Variants in NUDT10 observed in about 807,000 individuals in gnomAD.
NUDT10 encodes the protein diphosphoinositol polyphosphate phosphohydrolase 3-alpha.
Under a neutral mutation model 10.5 loss-of-function variants are expected in NUDT10, and 2 were observed. The ratio of observed to expected loss-of-function variants is 0.19; its 90% CI spans 0.08 to 0.60. The LOEUF is 0.60. NUDT10 is among the 20% of genes least tolerant of loss of function. The probability of loss-of-function intolerance (pLI) is 0.89; values close to 1 mark genes in which losing one functional copy is unlikely to be tolerated. For missense variants in NUDT10, 75 were observed against 149.5 expected (o/e 0.50, Z 2.60); for synonymous variants, 53 against 71.8 (o/e 0.74, Z 1.32).
At position 51,336,326 on chromosome X, in the gene NUDT10, G is replaced by A; in HGVS notation, c.*87G>A. On this transcript the variant is annotated 3_prime_UTR_variant, in exon 2 of 2. Transcript: ENST00000356450. ...GAATGGAATTGTGAAGCACAGATGAGCTCTTTCACACTCCAAGGACACAGC... is the reference window on the plus strand; with the variant it reads ...GAATGGAATTGTGAAGCACAGATGAACTCTTTCACACTCCAAGGACACAGC... The A allele has an allele frequency of 1.9e-6, 1 of 527,248 alleles. No individual in the cohort carries two copies. The highest frequency in any genetic ancestry group is 3.5e-6 in the Non-Finnish European group (1 of 288,221). 43.5% of individuals were successfully genotyped at this position (527,248 alleles called of 1,213,427 possible). A position where few individuals can be genotyped will look rare whatever the true frequency, so the allele number is the denominator to read the frequency against.
rs781913106 is a variant in NUDT10 at position 51,333,261 on chromosome X, C to T, written c.296C>T (p.Thr99Ile). The change falls in exon 1 of 2, where the codon ACT becomes ATT. Residue 99 changes from threonine (T) to isoleucine (I), a missense_variant. Thr to Ile is a moderately conservative substitution (Grantham distance 89). Transcript: ENST00000356450. ...PKHRTYVYVL[T>I]VTELLEDWED... is the part of the protein sequence containing the mutation. ...CACAGAACGTACGTGTATGTACTGA[C>T]TGTCACGGAGCTGCTGGAGGATTGG... The T allele has an allele frequency of 1.7e-6, 2 of 1,211,445 alleles. No individual in the cohort carries two copies. Among genetic ancestry groups the T allele is most frequent in the Non-Finnish European group, 2.2e-6 (2 of 895,346 alleles).
In NUDT10 at chrX:51,336,252, A is replaced by G. The variant is rs1557312732; in HGVS notation, c.*13A>G. ...TTTTCTTTTTAGGTGAATGGCATAG[A>G]TGTTGTTCAGATTTACTTTGAAAGA... On this transcript the variant is annotated 3_prime_UTR_variant, in exon 2 of 2. Coordinates refer to ENST00000356450, the MANE Select transcript of NUDT10 (RefSeq NM_001304963.2). 3.5e-6 allele frequency: 2 copies of G among 563,412 alleles called. No homozygotes were observed. The highest frequency in any genetic ancestry group is 2.3e-5 in the South Asian group (1 of 42,707). 46.4% of individuals were successfully genotyped at this position (563,412 alleles called of 1,213,427 possible).
At position 51,332,894 on chromosome X, in the gene NUDT10, CT is replaced by C; in HGVS notation, c.-71del. The stretch of plus-strand genomic sequence containing the variant: ...CTTTCTCTTCCCAGCACCTCGGCTG[CT>C]GCCCGGCAGCGGCAGCAGCTGCGTC... On this transcript the variant is annotated 5_prime_UTR_variant, in exon 1 of 2. Transcript: ENST00000356450. The C allele has an allele frequency of 8.6e-7, 1 of 1,160,011 alleles. No homozygotes were observed. Among genetic ancestry groups the C allele is most frequent in the East Asian group, 3.0e-5 (1 of 32,996 alleles).
chrX:51,336,865 A>T lies in NUDT10; in HGVS notation c.*626A>T, dbSNP rs988182572. 8.9e-6 allele frequency: 1 copy of T among 112,403 alleles called. No individual in the cohort carries two copies. Among genetic ancestry groups the T allele is most frequent in the Non-Finnish European group, 1.9e-5 (1 of 53,311 alleles). The allele number at this position is 112,403 out of a possible 1,213,427, so 9.3% of individuals were successfully genotyped here. ...CTGCCTCAGGAGGCTGAGGCAGAAG[A>T]ATAGCTTGAGCCCAGGAGCTTTAGT... is the stretch of plus-strand genomic sequence containing the variant. On this transcript the variant is annotated 3_prime_UTR_variant, in exon 2 of 2. Transcript: ENST00000356450.
chrX:51,333,749 C>CGGGGGGGGGGGGGGGGGGGGGGGGGGG (rs1252405750), intron 1 of NUDT10, among the ~76,000 whole-genome samples: 2 of 12,484 alleles, frequency 1.6e-4, no homozygotes, highest in Non-Finnish European at 2.5e-4. Flanking sequence ...TGCTTTTGGG[C>CGGGGGGGGGGGGGGGGGGGGGGGGGGG]GGGGGGGGGG....
rs1177808293 is a variant in NUDT10, at chrX:51,337,175, C to A, written c.*936C>A. On this transcript the variant is annotated 3_prime_UTR_variant, in exon 2 of 2. Coordinates refer to ENST00000356450, the MANE Select transcript of NUDT10 (RefSeq NM_001304963.2). ...CATATTAACCAATTGTTAATTGGATCTTATTTGAATTGTGATTTGACCGAA... is the reference window on the plus strand; with the variant it reads ...CATATTAACCAATTGTTAATTGGATATTATTTGAATTGTGATTTGACCGAA... 5.4e-5 allele frequency: 6 copies of A among 111,953 alleles called. No homozygotes were observed. Among genetic ancestry groups the A allele is most frequent in the African/African-American group, 1.9e-4 (6 of 30,793 alleles). The allele number at this position is 111,953 out of a possible 1,213,427, so 9.2% of individuals were successfully genotyped here.
chrX:51,335,347 C>A (rs1347461675), intron 1 of NUDT10, among the ~76,000 whole-genome samples: 1 of 108,682 alleles, frequency 9.2e-6, no homozygotes, highest in Admixed American at 9.8e-5. Flanking sequence ...TCCCCCTCGT[C>A]CCTGTCCCCC....
intron 1 of NUDT10, among the ~76,000 whole-genome samples, chrX:51,335,046 G>A (rs1224924855): frequency 2.7e-5 from 3 of 110,853 alleles, no homozygotes; most frequent in Non-Finnish European, 3.8e-5. Flanking sequence ...GGGACCGGGC[G>A]CGGTGGCTCA....
intron 1 of NUDT10, among the ~76,000 whole-genome samples, chrX:51,334,652 T>A (rs1220735524): frequency 8.9e-6 from 1 of 112,009 alleles, no homozygotes; most frequent in Non-Finnish European, 1.9e-5. Context: ...CTCTCACGTT[T>A]GCCTCAGTAC....
At chrX:51,334,387 ATTTAAG>A (rs1339968647) in intron 1 of NUDT10, among the ~76,000 whole-genome samples, 3 of 111,738 alleles carry the variant, frequency 2.7e-5, no homozygotes, top group Non-Finnish European at 5.6e-5. Flanking sequence ...GGTTCTCTGG[ATTTAAG>A]TTTGTTTTTG....
intron 1 of NUDT10, among the ~76,000 whole-genome samples, chrX:51,333,761 GGGT>G (rs1184201509): frequency 0.023 from 1,232 of 52,818 alleles, 2 homozygotes; most frequent in Non-Finnish European, 0.035. Flanking sequence ...GGGGGGGGGG[GGGT>G]GGGGGGCGAG....
intron 1 of NUDT10, among the ~76,000 whole-genome samples, chrX:51,335,086 G>A (rs782652333): frequency 1.8e-5 from 2 of 110,577 alleles, no homozygotes; most frequent in Non-Finnish European, 3.8e-5. Flanking sequence ...TTGGAAGGCC[G>A]AGGCGGGCAG....
rs782206903 is a variant in NUDT10, at chrX:51,336,222, A to T, written c.*-17A>T. The stretch of plus-strand genomic sequence containing the variant: ...ATGAACCAATAAAACCCTATTAATA[A>T]GAATTTTTCTTTTTAGGTGAATGGC... On this transcript the variant is annotated splice_polypyrimidine_tract_variant and intron_variant, in intron 1 of 1. Transcript: ENST00000356450. 8 of 562,123 alleles carry T rather than the reference A, an allele frequency of 1.4e-5. No individual in the cohort carries two copies. The highest frequency in any genetic ancestry group is 2.3e-5 in the Non-Finnish European group (7 of 306,053). The allele number at this position is 562,123 out of a possible 1,213,427, so 46.3% of individuals were successfully genotyped here. A position where few individuals can be genotyped will look rare whatever the true frequency, so the allele number is the denominator to read the frequency against.
At chrX:51,332,674 G>C (rs1419087686), upstream of NUDT10, among the ~76,000 whole-genome samples, 8 of 112,891 alleles carry the variant, frequency 7.1e-5, no homozygotes, top group African/African-American at 2.6e-4. Flanking sequence ...CTCGCGGGCA[G>C]CAGCGCCTCC....
chrX:51,333,982 T>C (rs1330299271), intron 1 of NUDT10, among the ~76,000 whole-genome samples: 2 of 110,945 alleles, frequency 1.8e-5, no homozygotes, highest in Non-Finnish European at 3.8e-5. Context: ...CTTCACAGCG[T>C]TCGCCCTTGT....
Position 51,333,192 on chromosome X carries a change from T to C in NUDT10, c.227T>C (p.Leu76Ser). The C allele has an allele frequency of 3.3e-6, 4 of 1,210,509 alleles. No individual in the cohort carries two copies. Among genetic ancestry groups the C allele is most frequent in the Non-Finnish European group, 4.5e-6 (4 of 895,120 alleles). The change falls in exon 1 of 2, where the codon TTA becomes TCA. Residue 76 changes from leucine to serine, a missense_variant. By Grantham distance (145) the Leu-to-Ser change is moderately radical. Transcript: ENST00000356450. ...GAAGAGGCGGGAGTCAAGGGGAAGT[T>C]AGGCCGGCTCCTGGGCGTCTTCGAA... ...VYEEAGVKGK[L>S]GRLLGVFEQN... is the part of the protein sequence containing the mutation.
At chrX:51,332,540 C>A (rs1398415534), upstream of NUDT10, among the ~76,000 whole-genome samples, 3 of 113,070 alleles carry the variant, frequency 2.7e-5, no homozygotes, top group African/African-American at 9.6e-5. Context: ...TGGCCCCTCG[C>A]CCCGGTTCCT....
upstream of NUDT10, among the ~76,000 whole-genome samples, chrX:51,332,631 C>T (rs1365911952): frequency 2.7e-5 from 3 of 113,138 alleles, no homozygotes; most frequent in Non-Finnish European, 5.6e-5. Context: ...CTTCACCTCG[C>T]AGAAGCGGGT....
intron 1 of NUDT10, among the ~76,000 whole-genome samples, 156 bp downstream of exon 1, chrX:51,333,615 G>A (rs1388941607): frequency 9.1e-6 from 1 of 109,666 alleles, no homozygotes; most frequent in Non-Finnish European, 1.9e-5. Flanking sequence ...GCAAACTGTT[G>A]CCAGGCCCTG....
Sources: allele counts gnomAD v4.1 joint callset (sites outside exome capture counted in the v4.1 genomes callset), GRCh38; gene constraint gnomAD v4.1.1; transcripts MANE v1.5; gene names NCBI Gene and HGNC (gene_info 2026-07-23, HGNC 2026-07-21).